Variants in PLCE1 observed in about 807,000 individuals in gnomAD.
PLCE1 encodes phospholipase C epsilon 1.
A neutral mutation model predicts 242.8 loss-of-function variants in PLCE1; 119 were observed. The observed-to-expected ratio is 0.49, with a 90% CI of 0.42 to 0.57. PLCE1 has a LOEUF of 0.57. Ranked by LOEUF, PLCE1 falls within the 20% of genes least tolerant of loss-of-function variation. The probability of loss-of-function intolerance (pLI) is 0.00; values close to 1 mark genes in which losing one functional copy is unlikely to be tolerated. For synonymous variants in PLCE1, 945 were observed against 1,017.4 expected (o/e 0.93, Z 1.35); for missense variants, 2,441 against 2,788.8 (o/e 0.88, Z 2.81).
chr10:94,171,603 T>C, intron 4 of PLCE1, 107 bp downstream of exon 4: 1 of 886,302 alleles, frequency 1.1e-6, no homozygotes, highest in Non-Finnish European at 1.9e-6. Context: ...CATTTCATTC[T>C]GTCTTGCCAC....
intron 17 of PLCE1, among the ~76,000 whole-genome samples, chr10:94,269,349 G>A (rs1045797761): frequency 2.0e-5 from 3 of 151,728 alleles, no homozygotes; most frequent in East Asian, 1.9e-4. Context: ...TGCTCCGCCC[G>A]CCCCTCAGCC....
chr10:94,319,173 T>G (rs1287561727), intron 29 of PLCE1, among the ~76,000 whole-genome samples: 1 of 152,162 alleles, frequency 6.6e-6, no homozygotes, highest in Non-Finnish European at 1.5e-5. Context: ...CTAACAAGAT[T>G]TTTCTGATAA....
intron 25 of PLCE1, 27 bp downstream of exon 25, chr10:94,304,672 A>G (rs1383876648): frequency 6.2e-7 from 1 of 1,611,890 alleles, no homozygotes; most frequent in Non-Finnish European, 8.5e-7. Context: ...GAGAAAGAAC[A>G]TAAGGTCGGG....
At chr10:94,220,408 A>ATATT (rs2049698604) in intron 4 of PLCE1, among the ~76,000 whole-genome samples, 1 of 133,318 alleles carries the variant, frequency 7.5e-6, no homozygotes, top group Admixed American at 7.4e-5. Flanking sequence ...ATATATATAT[A>ATATT]TATATATATA....
intron 5 of PLCE1, among the ~76,000 whole-genome samples, chr10:94,231,520 T>A (rs2050142622): frequency 6.6e-6 from 1 of 152,060 alleles, no homozygotes. Flanking sequence ...CCAGTCACTT[T>A]CCTAGTTAAC....
intron 3 of PLCE1, among the ~76,000 whole-genome samples, chr10:94,133,421 G>T (rs2046670300): frequency 6.6e-6 from 1 of 152,204 alleles, no homozygotes; most frequent in Non-Finnish European, 1.5e-5. Context: ...CAAGCTGCTT[G>T]GCAGCCTTCC....
intron 6 of PLCE1, among the ~76,000 whole-genome samples, chr10:94,234,893 T>G (rs2050264245): frequency 6.6e-6 from 1 of 152,044 alleles, no homozygotes; most frequent in Non-Finnish European, 1.5e-5. Flanking sequence ...GAAGGGGAGT[T>G]GAGAAACTGG....
intron 2 of PLCE1, among the ~76,000 whole-genome samples, chr10:94,112,665 T>C (rs2045991662): frequency 6.6e-6 from 1 of 152,224 alleles, no homozygotes; most frequent in Non-Finnish European, 1.5e-5. Flanking sequence ...GGATATGGTA[T>C]GCAGTGGGGC....
chr10:94,179,512 G>GTTTTTTGTTTTTTTTTTTTT (rs1554877548), intron 4 of PLCE1, among the ~76,000 whole-genome samples: 1 of 19,398 alleles, frequency 5.2e-5, no homozygotes, highest in African/African-American at 1.6e-4. Flanking sequence ...TTTTAGTTTA[G>GTTTTTTGTTTTTTTTTTTTT]TTTTTTTTTT....
At chr10:94,294,857 G>T (rs2133472754) in intron 23 of PLCE1, among the ~76,000 whole-genome samples, 1 of 147,768 alleles carries the variant, frequency 6.8e-6, no homozygotes, top group East Asian at 2.0e-4. Context: ...TTGTACAAAA[G>T]ATTTCTCTGT....
At chr10:94,051,586 G>A (rs1484248602) in intron 2 of PLCE1, among the ~76,000 whole-genome samples, 1 of 152,188 alleles carries the variant, frequency 6.6e-6, no homozygotes, top group Non-Finnish European at 1.5e-5. Context: ...CAAACACTTG[G>A]CAATGTTGGA....
chr10:94,148,705 A>G (rs1480727264), intron 3 of PLCE1, among the ~76,000 whole-genome samples: 1 of 152,210 alleles, frequency 6.6e-6, no homozygotes, highest in African/African-American at 2.4e-5. Flanking sequence ...AAAAGGGACT[A>G]TAGGAAGTGG....
chr10:94,133,939 C>G (rs754254443), intron 3 of PLCE1, among the ~76,000 whole-genome samples: 2 of 152,074 alleles, frequency 1.3e-5, no homozygotes, highest in South Asian at 4.2e-4. Context: ...TAGAGAGTAC[C>G]AAGCCTGCAT....
At chr10:94,038,119 C>G (rs1429419586) in intron 2 of PLCE1, among the ~76,000 whole-genome samples, 1 of 152,060 alleles carries the variant, frequency 6.6e-6, no homozygotes, top group Non-Finnish European at 1.5e-5. Context: ...CTCAAGCTGC[C>G]CTTTGAATGA....
At chr10:94,146,926 G>T (rs562633784) in intron 3 of PLCE1, among the ~76,000 whole-genome samples, 45 of 152,290 alleles carry the variant, frequency 3.0e-4, no homozygotes, top group African/African-American at 8.9e-4. Context: ...GGCTGGAAAG[G>T]TTCCAGGTAG....
chr10:94,026,381 C>T (rs1251726383), intron 1 of PLCE1, among the ~76,000 whole-genome samples: 1 of 152,110 alleles, frequency 6.6e-6, no homozygotes, highest in Non-Finnish European at 1.5e-5. Flanking sequence ...GCCCACACAA[C>T]CTTTGACCTC....
chr10:94,181,241 C>T (rs1156889135), intron 4 of PLCE1, among the ~76,000 whole-genome samples: 2 of 152,042 alleles, frequency 1.3e-5, no homozygotes, highest in African/African-American at 2.4e-5. Flanking sequence ...ATTCTGCCTC[C>T]GTGGATGCAA....
intron 22 of PLCE1, among the ~76,000 whole-genome samples, chr10:94,289,414 T>C (rs1190892738): frequency 2.0e-5 from 3 of 152,212 alleles, no homozygotes; most frequent in Non-Finnish European, 2.9e-5. Flanking sequence ...CTGATTATAT[T>C]TACAGTAATG....
intron 1 of PLCE1, among the ~76,000 whole-genome samples, chr10:93,995,149 C>G (rs765814953): frequency 1.3e-5 from 2 of 152,170 alleles, no homozygotes; most frequent in Non-Finnish European, 2.9e-5. Flanking sequence ...GAGAGCCTGA[C>G]TTGGGAGGTG....
Sources: gnomAD v4.1 joint callset for allele counts (sites outside exome capture counted in the v4.1 genomes callset) on GRCh38, gnomAD v4.1.1 for gene constraint, MANE v1.5 for transcripts, NCBI Gene and HGNC (gene_info 2026-07-23, HGNC 2026-07-21) for gene names.